The following IST1 variants were observed in gnomAD, a reference collection of about 807,000 sequenced individuals.
The protein encoded by IST1 is IST1 factor associated with ESCRT-III.
A neutral mutation model predicts 37.0 loss-of-function variants in IST1; 23 were observed. The observed-to-expected ratio is 0.62, with a 90% CI of 0.45 to 0.88. The LOEUF (loss-of-function observed/expected upper bound fraction) is 0.88, where lower values mean the gene tolerates loss of function less well. Ranked by LOEUF, IST1 falls within the 40% of genes least tolerant of loss-of-function variation. The pLI, the probability that IST1 is intolerant of heterozygous loss-of-function variation, is 0.00. For synonymous variants in IST1, 180 were observed against 161.7 expected (o/e 1.11, Z -0.86); for missense variants, 488 against 445.4 (o/e 1.10, Z -0.86).
At chr16:71,912,611 TGAA>T (rs1439076595) in intron 1 of IST1, among the ~76,000 whole-genome samples, 1 of 152,224 alleles carries the variant, frequency 6.6e-6, no homozygotes, top group Admixed American at 6.5e-5. Flanking sequence ...TTAACTGTGG[TGAA>T]GAACACATGG....
At chr16:71,923,634 G>T in intron 8 of IST1, 1 of 340,734 alleles carries the variant, frequency 2.9e-6, no homozygotes, top group Non-Finnish European at 5.4e-6. Context: ...TTCTTAGAAA[G>T]TTGTAGTGCT....
intron 6 of IST1, chr16:71,921,731 G>C (rs1597253810): frequency 8.9e-6 from 3 of 338,204 alleles, no homozygotes; most frequent in African/African-American, 6.3e-5. Flanking sequence ...GAAACCTCCT[G>C]TTCATAGCAA....
In IST1 at chr16:71,927,924, A is replaced by G. The variant is rs1370488011; in HGVS notation, c.*111A>G. Reference sequence around the variant, plus strand: ...TTTCATCTGTTAACCGTCACTCAGCACAACACTCCCTCTGGGCTCTCTTCC... The same window carrying G: ...TTTCATCTGTTAACCGTCACTCAGCGCAACACTCCCTCTGGGCTCTCTTCC... On this transcript the variant is annotated 3_prime_UTR_variant, in exon 10 of 10. Coordinates refer to ENST00000378799, the MANE Select transcript of IST1 (RefSeq NM_001270975.2). 1 of 764,722 alleles carries G rather than the reference A, an allele frequency of 1.3e-6. No individual in the cohort carries two copies. The highest frequency in any genetic ancestry group is 2.5e-5 in the East Asian group (1 of 40,208). The allele number at this position is 764,722 out of a possible 1,614,324, so 47.4% of individuals were successfully genotyped here.
At chr16:71,917,911 C>A (rs2037500321) in intron 4 of IST1, among the ~76,000 whole-genome samples, 1 of 151,844 alleles carries the variant, frequency 6.6e-6, no homozygotes, top group Non-Finnish European at 1.5e-5. Context: ...TTCATTTTTC[C>A]TATTTCTTAG....
chr16:71,922,831 C>A (rs145771786), intron 7 of IST1, 151 bp downstream of exon 7: 4 of 661,404 alleles, frequency 6.0e-6, no homozygotes, highest in Admixed American at 2.6e-5. Flanking sequence ...GGGGAAAAAA[C>A]ACATTGGATT....
At chr16:71,908,996 GT>G (rs1263166079) in intron 1 of IST1, among the ~76,000 whole-genome samples, 1 of 148,718 alleles carries the variant, frequency 6.7e-6, no homozygotes, top group African/African-American at 2.5e-5. Context: ...TACATCTTTT[GT>G]TTCTATTTTT....
At chr16:71,909,700 C>G (rs2037308893) in intron 1 of IST1, among the ~76,000 whole-genome samples, 1 of 152,174 alleles carries the variant, frequency 6.6e-6, no homozygotes, top group African/African-American at 2.4e-5. Context: ...TCTTTGTTAA[C>G]ATGTTCACTT....
In IST1 at chr16:71,900,756, T is replaced by G. The variant is rs556487427; in HGVS notation, c.-16+5167T>G. 5.3e-5 allele frequency among the ~76,000 whole-genome samples: 8 copies of G among 152,340 alleles called. No homozygotes were observed. The South Asian group carries it at 1.5e-3, about 28-fold the overall frequency. On this transcript the variant is annotated intron_variant, in intron 1 of 9. Coordinates refer to ENST00000378799, the MANE Select transcript of IST1 (RefSeq NM_001270975.2). ...TTTTAGAGTTTATGTTATAATTGCT[T>G]ACTTGTCTTATAGTTGTTTTTATGT... is the stretch of plus-strand genomic sequence containing the variant.
intron 1 of IST1, among the ~76,000 whole-genome samples, chr16:71,912,844 A>G (rs926656255): frequency 1.3e-5 from 2 of 152,284 alleles, no homozygotes; most frequent in East Asian, 1.9e-4. Flanking sequence ...GCAGAATCTT[A>G]CAGTATTTGT....
chr16:71,916,761 G>T (rs765894442), intron 3 of IST1, 119 bp downstream of exon 3: 7 of 826,180 alleles, frequency 8.5e-6, no homozygotes, highest in Non-Finnish European at 1.3e-5. Flanking sequence ...CCTAACAGTT[G>T]CTGAAAGGCC....
At chr16:71,919,893 AAT>A (rs1442852062) in intron 4 of IST1, among the ~76,000 whole-genome samples, 1 of 152,234 alleles carries the variant, frequency 6.6e-6, no homozygotes, top group East Asian at 1.9e-4. Context: ...GCCACAGAGA[AAT>A]AGCACTCAAA....
At chr16:71,905,823 T>C (rs2037211525) in intron 1 of IST1, among the ~76,000 whole-genome samples, 1 of 152,224 alleles carries the variant, frequency 6.6e-6, no homozygotes, top group Non-Finnish European at 1.5e-5. Flanking sequence ...TACATTTACA[T>C]ACATTGAAAG....
intron 1 of IST1, among the ~76,000 whole-genome samples, chr16:71,909,840 G>C (rs1006892613): frequency 6.6e-6 from 1 of 152,200 alleles, no homozygotes; most frequent in Non-Finnish European, 1.5e-5. Flanking sequence ...TGTCTACTAA[G>C]GGCAAGATCT....
At chr16:71,907,676 TTC>T (rs997625304) in intron 1 of IST1, among the ~76,000 whole-genome samples, 131 of 152,304 alleles carry the variant, frequency 8.6e-4, no homozygotes, top group African/African-American at 2.8e-3. Flanking sequence ...TTCAATTTTT[TTC>T]TCTCTTTTTT....
At chr16:71,903,744 A>G (rs1003795939) in intron 1 of IST1, 1 of 152,104 alleles carries the variant, frequency 6.6e-6, no homozygotes, top group African/African-American at 2.4e-5. Flanking sequence ...GCTATGTCCT[A>G]CATTCATGAA....
chr16:71,910,470 G>C (rs1409642702), intron 1 of IST1, among the ~76,000 whole-genome samples: 3 of 151,988 alleles, frequency 2.0e-5, no homozygotes, highest in Admixed American at 2.0e-4. Flanking sequence ...GCTGGGTGTG[G>C]TGGCGGGCGC....
rs948610517 is a variant in IST1, at chr16:71,925,308, C to T, written c.901+491C>T. On this transcript the variant is annotated intron_variant, in intron 9 of 9. Coordinates refer to ENST00000378799, the MANE Select transcript of IST1 (RefSeq NM_001270975.2). ...TGGATTACAGACATGAGCCACTGCC[C>T]CCAGCTGATTTTTTTTTTTTTTTTT... is the stretch of plus-strand genomic sequence containing the variant. Among the ~76,000 whole-genome samples the T allele has an allele frequency of 2.7e-5, 4 of 149,728 alleles. No individual in the cohort carries two copies. In the South Asian group the frequency reaches 8.4e-4, roughly 31 times the overall value.
Position 71,928,205 on chromosome 16 carries a change from G to C in IST1, c.*392G>C, listed in dbSNP as rs1009289825. On this transcript the variant is annotated 3_prime_UTR_variant, in exon 10 of 10. Coordinates refer to ENST00000378799, the MANE Select transcript of IST1 (RefSeq NM_001270975.2). ...TTGTGAAGCATCCCAGCCTCGTGTT[G>C]AGGTTCCAGACTTAGAAACAGACCC... 4.0e-6 allele frequency: 1 copy of C among 250,172 alleles called. No individual in the cohort carries two copies. Among genetic ancestry groups the C allele is most frequent in the Admixed American group, 5.1e-5 (1 of 19,560 alleles). 15.5% of individuals were successfully genotyped at this position (250,172 alleles called of 1,614,324 possible). A position where few individuals can be genotyped will look rare whatever the true frequency, so the allele number is the denominator to read the frequency against.
chr16:71,913,933 G>A (rs933724142), intron 1 of IST1, among the ~76,000 whole-genome samples: 3 of 151,576 alleles, frequency 2.0e-5, no homozygotes, highest in Admixed American at 1.3e-4. Context: ...CTCAGCCTCC[G>A]GAGTAGCTGG....
Sources: gnomAD v4.1 joint callset for allele counts (sites outside exome capture counted in the v4.1 genomes callset) on GRCh38, gnomAD v4.1.1 for gene constraint, MANE v1.5 for transcripts, NCBI Gene and HGNC (gene_info 2026-07-23, HGNC 2026-07-21) for gene names.